Variants in CDK15 observed in about 807,000 individuals in gnomAD.
CDK15 encodes cyclin dependent kinase 15, also known as cyclin-dependent kinase 15.
In CDK15, 62 loss-of-function variants were observed where a neutral mutation model predicts 60.3. The ratio of observed to expected loss-of-function variants is 1.03; its 90% CI spans 0.84 to 1.27. The LOEUF (loss-of-function observed/expected upper bound fraction) is 1.27, where lower values mean the gene tolerates loss of function less well. CDK15 is among the 50% of genes most tolerant of loss of function. The pLI is 0.00. For synonymous variants in CDK15, 194 were observed against 195.7 expected, an observed-to-expected ratio of 0.99 and a Z score of 0.07; for missense variants, 541 against 527.8, an observed-to-expected ratio of 1.03 and a Z score of -0.25.
Position 201,812,504 on chromosome 2 carries a change from T to G in CDK15, c.390T>G (p.Ala130=), listed in dbSNP as rs1251170518. ...GISRINGQLV[A]LKVISMNAEE... ...CTAGAATAAATGGACAACTAGTGGCTTTAAAAGTCATCAGCATGAATGCAG... is the reference window on the plus strand; with the variant it reads ...CTAGAATAAATGGACAACTAGTGGCGTTAAAAGTCATCAGCATGAATGCAG... Residue 130 remains alanine (A), a synonymous_variant, in exon 4 of 14, where the codon GCT becomes GCG. Coordinates refer to ENST00000652192, the MANE Select transcript of CDK15 (RefSeq NM_001366386.2). 1.5e-5 allele frequency: 25 copies of G among 1,613,014 alleles called. No individual in the cohort carries two copies. The highest frequency in any genetic ancestry group is 2.1e-5 in the Non-Finnish European group (25 of 1,179,350).
chr2:201,814,408 A>G (rs1695905815), intron 4 of CDK15, among the ~76,000 whole-genome samples: 1 of 152,216 alleles, frequency 6.6e-6, no homozygotes, highest in African/African-American at 2.4e-5. Flanking sequence ...TTTCTGACAC[A>G]TTGGAGGTTG....
chr2:201,848,859 T>G (rs1697784379), intron 9 of CDK15, among the ~76,000 whole-genome samples: 1 of 152,000 alleles, frequency 6.6e-6, no homozygotes, highest in Non-Finnish European at 1.5e-5. Flanking sequence ...TGACATTAAA[T>G]TTTCTTCTAG....
At chr2:201,834,349 T>C (rs1213122841) in intron 7 of CDK15, among the ~76,000 whole-genome samples, 1 of 152,178 alleles carries the variant, frequency 6.6e-6, no homozygotes, top group African/African-American at 2.4e-5. Flanking sequence ...TAACCCCAGA[T>C]TGTAGCATGG....
chr2:201,843,006 G>T (rs1697469825), intron 8 of CDK15, among the ~76,000 whole-genome samples: 1 of 152,082 alleles, frequency 6.6e-6, no homozygotes, highest in Non-Finnish European at 1.5e-5. Context: ...AAAATAAAAG[G>T]AAATAGAAGC....
At chr2:201,836,184 TA>T (rs1166460521) in intron 8 of CDK15, among the ~76,000 whole-genome samples, 23 of 79,836 alleles carry the variant, frequency 2.9e-4, no homozygotes, top group South Asian at 1.6e-3. Context: ...ATATTATATA[TA>T]TTTTTTTATA....
chr2:201,828,367 G>T (rs1434388432), intron 6 of CDK15, among the ~76,000 whole-genome samples: 2 of 152,040 alleles, frequency 1.3e-5, no homozygotes, highest in Non-Finnish European at 1.5e-5. Context: ...TGAGACTTTT[G>T]CCTTTTAGGA....
intron 12 of CDK15, among the ~76,000 whole-genome samples, chr2:201,884,579 T>C (rs1214268563): frequency 6.6e-6 from 1 of 152,206 alleles, no homozygotes; most frequent in South Asian, 2.1e-4. Context: ...CCTTAATATA[T>C]TGGAAGGTCC....
At chr2:201,815,922 T>G (rs930367079) in intron 4 of CDK15, among the ~76,000 whole-genome samples, 4 of 152,180 alleles carry the variant, frequency 2.6e-5, no homozygotes, top group African/African-American at 9.6e-5. Flanking sequence ...AGAGGTTAGT[T>G]AACTTGTCTG....
chr2:201,811,064 A>G (rs1425693146), intron 3 of CDK15, among the ~76,000 whole-genome samples: 1 of 151,498 alleles, frequency 6.6e-6, no homozygotes, highest in Non-Finnish European at 1.5e-5. Context: ...GCTGGTCTCA[A>G]ACTCCCGAGC....
At chr2:201,842,415 A>T (rs1445533298) in intron 8 of CDK15, among the ~76,000 whole-genome samples, 2 of 152,206 alleles carry the variant, frequency 1.3e-5, no homozygotes, top group Admixed American at 6.5e-5. Flanking sequence ...TCTCTGCCTA[A>T]CAGATCATTT....
chr2:201,824,993 A>G (rs948651841), intron 6 of CDK15, among the ~76,000 whole-genome samples: 16 of 152,204 alleles, frequency 1.1e-4, no homozygotes, highest in African/African-American at 3.9e-4. Flanking sequence ...GATACTGTAA[A>G]TGATACTAAT....
At chr2:201,891,276 G>A (rs929149853) in intron 13 of CDK15, among the ~76,000 whole-genome samples, 63 of 152,182 alleles carry the variant, frequency 4.1e-4, no homozygotes, top group African/African-American at 1.4e-3. Context: ...CTCCTGGTGC[G>A]TCAGCCTCCC....
At chr2:201,822,970 A>T in intron 5 of CDK15, 67 bp downstream of exon 5, 1 of 918,106 alleles carries the variant, frequency 1.1e-6, no homozygotes, top group Non-Finnish European at 1.8e-6. Flanking sequence ...TGAATCTGTT[A>T]ATATTTTATG....
Position 201,879,928 on chromosome 2 carries a change from A to G in CDK15, c.1059-100A>G, listed in dbSNP as rs1455473960. On this transcript the variant is annotated intron_variant, in intron 11 of 13. Transcript: ENST00000652192. ...CCAGGAAAATTCTACTTAAAATCTA[A>G]GTCTAGCCATCTCCTTTTCTTTACT... The G allele has an allele frequency of 2.1e-6, 3 of 1,431,078 alleles. No individual in the cohort carries two copies. In the African/African-American group the frequency reaches 4.3e-5, roughly 20 times the overall value. 88.6% of individuals were successfully genotyped at this position (1,431,078 alleles called of 1,614,324 possible).
chr2:201,845,292 T>A (rs1485727596), intron 8 of CDK15, among the ~76,000 whole-genome samples: 1 of 152,164 alleles, frequency 6.6e-6, no homozygotes, highest in Non-Finnish European at 1.5e-5. Flanking sequence ...ACCAAATATT[T>A]GATTATGAAA....
intron 3 of CDK15, 48 bp downstream of exon 3, chr2:201,808,000 C>T: frequency 6.7e-7 from 1 of 1,493,832 alleles, no homozygotes; most frequent in Non-Finnish European, 9.2e-7. Context: ...GAGTCCCGCC[C>T]CCCCAATTTC....
intron 9 of CDK15, among the ~76,000 whole-genome samples, chr2:201,849,167 T>C (rs1000503945): frequency 2.0e-5 from 3 of 152,176 alleles, no homozygotes; most frequent in Non-Finnish European, 4.4e-5. Context: ...ATGGCAACAA[T>C]GATAATAAGG....
At position 201,880,092 on chromosome 2, in the gene CDK15, C is replaced by G. The variant is rs145205966; in HGVS notation, c.1123C>G (p.Arg375Gly). 1 of 1,614,080 alleles carries G rather than the reference C, an allele frequency of 6.2e-7. No homozygotes were observed. The highest frequency in any genetic ancestry group is 1.1e-5 in the South Asian group (1 of 91,080). Residue 375 changes from arginine to glycine, a missense_variant, in exon 12 of 14, where the codon CGC becomes GGC. By Grantham distance (125) the Arg-to-Gly change is moderately radical. Coordinates refer to ENST00000652192, the MANE Select transcript of CDK15 (RefSeq NM_001366386.2). ...SQMLKGFPRDRVSAQEALVHD... is the reference protein window; with the variant it reads ...SQMLKGFPRDGVSAQEALVHD... ...GATGCTAAAAGGCTTTCCCAGAGAC[C>G]GCGTCTCCGCCCAGGAAGCACTTGT...
Position 201,872,297 on chromosome 2 carries a change from G to C in CDK15, c.1029G>C (p.Thr343=), listed in dbSNP as rs368174315. 1.9e-6 allele frequency: 3 copies of C among 1,613,956 alleles called. No individual in the cohort carries two copies. The highest frequency in any genetic ancestry group is 2.5e-6 in the Non-Finnish European group (3 of 1,179,986). ...TCCCAGAATGGTTCCCACTGCCTAC[G>C]CCTCGAAGCCTTCATGTTGTCTGGA... ...NYNPEWFPLP[T]PRSLHVVWNR... Residue 343 remains threonine, a synonymous_variant, in exon 11 of 14, where the codon ACG becomes ACC. Coordinates refer to ENST00000652192, the MANE Select transcript of CDK15 (RefSeq NM_001366386.2).
Sources: allele counts gnomAD v4.1 joint callset (sites outside exome capture counted in the v4.1 genomes callset), GRCh38; gene constraint gnomAD v4.1.1; transcripts MANE v1.5; gene names NCBI Gene and HGNC (gene_info 2026-07-23, HGNC 2026-07-21).